The following TSC22D3 variants were observed in gnomAD, a reference collection of about 807,000 sequenced individuals.
TSC22D3 encodes the protein TSC22 domain family protein 3.
A neutral mutation model predicts 11.1 loss-of-function variants in TSC22D3; 4 were observed. That is an observed-to-expected ratio of 0.36 (90% CI 0.18 to 0.83). TSC22D3 has a LOEUF of 0.83. Among genes scored for constraint, TSC22D3 ranks in the 40% least tolerant of loss-of-function variants. The pLI is 0.48. For missense variants in TSC22D3, 118 were observed against 159.4 expected (o/e 0.74, Z 1.40); for synonymous variants, 77 against 70.3 (o/e 1.10, Z -0.48).
chrX:107,773,015 G>A (rs993591885), intron 1 of TSC22D3, among the ~76,000 whole-genome samples: 23 of 112,337 alleles, frequency 2.0e-4, no homozygotes, highest in Admixed American at 3.8e-4. Context: ...GAGTTGCTCT[G>A]ATCGAAGGAG....
At chrX:107,715,290 A>T (rs1926954025) in intron 2 of TSC22D3, among the ~76,000 whole-genome samples, 1 of 112,274 alleles carries the variant, frequency 8.9e-6, no homozygotes, top group Non-Finnish European at 1.9e-5. Context: ...CACACAGGAC[A>T]TTGGCCTTGG....
At chrX:107,734,805 G>A (rs188012234) in intron 1 of TSC22D3, among the ~76,000 whole-genome samples, 127 of 97,050 alleles carry the variant, frequency 1.3e-3, no homozygotes, top group Non-Finnish European at 2.1e-3. Flanking sequence ...TACTTATTGA[G>A]AGTTTATTAT....
intron 1 of TSC22D3, among the ~76,000 whole-genome samples, chrX:107,723,278 T>C (rs1466298025): frequency 3.6e-5 from 4 of 112,181 alleles, no homozygotes; most frequent in Non-Finnish European, 5.6e-5. Context: ...TCACCCTGAT[T>C]CCCTTCCTTA....
chrX:107,724,400 A>G (rs1327126398), intron 1 of TSC22D3, among the ~76,000 whole-genome samples: 1 of 113,289 alleles, frequency 8.8e-6, no homozygotes, highest in Non-Finnish European at 1.9e-5. Flanking sequence ...ATCACTGACA[A>G]GGAATACACA....
At chrX:107,773,639 T>A (rs1300140987) in intron 1 of TSC22D3, among the ~76,000 whole-genome samples, 1 of 112,372 alleles carries the variant, frequency 8.9e-6, no homozygotes, top group Non-Finnish European at 1.9e-5. Context: ...TGAGATAATT[T>A]GATGCCTAAA....
intron 1 of TSC22D3, among the ~76,000 whole-genome samples, chrX:107,753,218 G>T (rs1370002945): frequency 9.0e-6 from 1 of 111,193 alleles, no homozygotes; most frequent in African/African-American, 3.3e-5. Flanking sequence ...AGCCAGAGAG[G>T]AGAGAGGAGG....
chrX:107,732,623 A>T (rs772063514), intron 1 of TSC22D3, among the ~76,000 whole-genome samples: 14 of 111,380 alleles, frequency 1.3e-4, no homozygotes, highest in African/African-American at 4.6e-4. Flanking sequence ...CAGGGGTGAA[A>T]CTTTAAGTAT....
chrX:107,718,043 G>A, intron 1 of TSC22D3, among the ~76,000 whole-genome samples: 1 of 111,924 alleles, frequency 8.9e-6, no homozygotes, highest in Non-Finnish European at 1.9e-5. Flanking sequence ...CCCTGTGATG[G>A]GCCCAGCCAT....
At chrX:107,716,942 C>T (rs1017870675) in intron 1 of TSC22D3, 1 of 1,099,503 alleles carries the variant, frequency 9.1e-7, no homozygotes, top group African/African-American at 1.9e-5. Flanking sequence ...AGGAGCGGGG[C>T]GAAGGCTGCA....
chrX:107,718,922 TA>T (rs950772453), intron 1 of TSC22D3, among the ~76,000 whole-genome samples: 50 of 103,256 alleles, frequency 4.8e-4, no homozygotes, highest in South Asian at 1.7e-3. Flanking sequence ...GAACATTCAC[TA>T]AAAAAAAAAA....
At chrX:107,750,814 C>T (rs1928903080) in intron 1 of TSC22D3, among the ~76,000 whole-genome samples, 1 of 111,517 alleles carries the variant, frequency 9.0e-6, no homozygotes, top group Non-Finnish European at 1.9e-5. Flanking sequence ...GTAGCTGACT[C>T]CCTGAGGCAG....
intron 1 of TSC22D3, among the ~76,000 whole-genome samples, chrX:107,745,466 G>A (rs895497631): frequency 8.9e-5 from 10 of 112,444 alleles, no homozygotes; most frequent in African/African-American, 2.9e-4. Context: ...GAAGATACAA[G>A]GGGACTGGTT....
Position 107,775,481 on chromosome X carries a change from A to G in TSC22D3, c.-62T>C. 2 of 1,003,093 alleles carry G rather than the reference A, an allele frequency of 2.0e-6. No homozygotes were observed. The highest frequency in any genetic ancestry group is 2.7e-6 in the Non-Finnish European group (2 of 745,230). The allele number at this position is 1,003,093 out of a possible 1,213,427, so 82.7% of individuals were successfully genotyped here. A position where few individuals can be genotyped will look rare whatever the true frequency, so the allele number is the denominator to read the frequency against. ...AGGGGCGGCTGGCAGGTGCGCGCCCACCGAGCTGGCCTGAGGGGACTCCAG... is the reference window on the plus strand; with the variant it reads ...AGGGGCGGCTGGCAGGTGCGCGCCCGCCGAGCTGGCCTGAGGGGACTCCAG... On this transcript the variant is annotated 5_prime_UTR_variant, in exon 1 of 3. Coordinates refer to ENST00000372383, the MANE Select transcript of TSC22D3 (RefSeq NM_198057.3).
At chrX:107,737,388 C>T (rs774861491) in intron 1 of TSC22D3, among the ~76,000 whole-genome samples, 5 of 111,729 alleles carry the variant, frequency 4.5e-5, no homozygotes, top group South Asian at 7.5e-4. Flanking sequence ...ACAGGGGTTT[C>T]GCTAAGTAAG....
chrX:107,758,982 G>A (rs1172697897), intron 1 of TSC22D3, among the ~76,000 whole-genome samples: 1 of 111,502 alleles, frequency 9.0e-6, no homozygotes, highest in Non-Finnish European at 1.9e-5. Context: ...CGGGGTTCAA[G>A]TGATTCTCTT....
intron 1 of TSC22D3, among the ~76,000 whole-genome samples, chrX:107,753,081 T>C (rs1057347145): frequency 6.3e-5 from 7 of 111,329 alleles, no homozygotes; most frequent in African/African-American, 2.0e-4. Flanking sequence ...CTGGGACTTG[T>C]CCCCTGGGCC....
At chrX:107,738,221 G>A (rs1478144950) in intron 1 of TSC22D3, among the ~76,000 whole-genome samples, 1 of 112,674 alleles carries the variant, frequency 8.9e-6, no homozygotes, top group Non-Finnish European at 1.9e-5. Flanking sequence ...ACCTGAGTTT[G>A]GTTCCCTTGC....
At position 107,716,534 on chromosome X, in the gene TSC22D3, C is replaced by T. The variant is rs945526534; in HGVS notation, c.321-584G>A. 4 of 976,058 alleles carry T rather than the reference C, an allele frequency of 4.1e-6. No homozygotes were observed. In the African/African-American group the frequency reaches 6.4e-5, roughly 16 times the overall value. 80.4% of individuals were successfully genotyped at this position (976,058 alleles called of 1,213,427 possible). On this transcript the variant is annotated intron_variant, in intron 1 of 2. Transcript: ENST00000372383. ...GGATCCCAGAGCGGCGGTGACCCCCCCCTTCCTGCGTCCCCTCCCCCCCGC... is the reference window on the plus strand; with the variant it reads ...GGATCCCAGAGCGGCGGTGACCCCCTCCTTCCTGCGTCCCCTCCCCCCCGC...
At position 107,775,705 on chromosome X, in the gene TSC22D3, C is replaced by A; in HGVS notation, c.-286G>T. On this transcript the variant is annotated 5_prime_UTR_variant, in exon 1 of 3. Transcript: ENST00000372383. ...TCCCCCTCCTCTTGAGGCCGGGGGC[C>A]GCCCCCCTGAGGTGCCACACGCGGC... 1 of 218,105 alleles carries A rather than the reference C, an allele frequency of 4.6e-6. No individual in the cohort carries two copies. 18.0% of individuals were successfully genotyped at this position (218,105 alleles called of 1,213,427 possible).
Sources: gnomAD v4.1 joint callset for allele counts (sites outside exome capture counted in the v4.1 genomes callset) on GRCh38, gnomAD v4.1.1 for gene constraint, MANE v1.5 for transcripts, NCBI Gene and HGNC (gene_info 2026-07-23, HGNC 2026-07-21) for gene names.